Variants in NHERF2 observed in about 807,000 individuals in gnomAD.
NHERF2 encodes the protein NHERF family PDZ scaffold protein 2, also known as Na(+)/H(+) exchange regulatory cofactor NHE-RF2.
At chr16:2,028,058 C>T in the NHERF2 span, among the ~76,000 whole-genome samples, 1 of 152,228 alleles carries the variant, frequency 6.6e-6, no homozygotes, top group Non-Finnish European at 1.5e-5. Flanking sequence ...CTGTCTCCCA[C>T]AGGCCAGGGA....
At chr16:2,037,405 G>A in the NHERF2 span, 1 of 867,486 alleles carries the variant, frequency 1.2e-6, no homozygotes, top group Non-Finnish European at 1.9e-6. Context: ...CGCATCTGGA[G>A]TCCACCAGAG....
chr16:2,027,457 C>T, the NHERF2 span, among the ~76,000 whole-genome samples: 2 of 152,228 alleles, frequency 1.3e-5, no homozygotes, highest in Non-Finnish European at 2.9e-5. Flanking sequence ...GCTGGCCTCG[C>T]CCTTTGGTCG....
chr16:2,026,970 C>T, the NHERF2 span: 2 of 944,956 alleles, frequency 2.1e-6, no homozygotes, highest in African/African-American at 1.8e-5. Flanking sequence ...CTCCCCCGCG[C>T]CCCTGCCCGC....
At chr16:2,028,218 G>A in the NHERF2 span, among the ~76,000 whole-genome samples, 9 of 152,250 alleles carry the variant, frequency 5.9e-5, no homozygotes, top group African/African-American at 1.7e-4. Context: ...TGGACCTGGA[G>A]CTGGTCTCCT....
the NHERF2 span, chr16:2,038,004 GGGACCCTGGGACCCCTCCCGCAC>G: frequency 6.2e-7 from 1 of 1,612,556 alleles, no homozygotes; most frequent in Non-Finnish European, 8.5e-7. Context: ...TGCCTGTCTC[GGGACCCTGGGACCCCTCCCGCAC>G]GGACCTTGGG....
At chr16:2,033,588 T>TG in the NHERF2 span, among the ~76,000 whole-genome samples, 1 of 152,112 alleles carries the variant, frequency 6.6e-6, no homozygotes, top group Non-Finnish European at 1.5e-5. Context: ...CGTCACCATC[T>TG]GGGGGGGTGC....
the NHERF2 span, chr16:2,027,226 C>T: frequency 7.7e-7 from 1 of 1,298,916 alleles, no homozygotes; most frequent in South Asian, 2.1e-5. Context: ...CAGGTGGGGG[C>T]CAGCGCTCGC....
the NHERF2 span, chr16:2,038,330 G>A: frequency 2.0e-6 from 1 of 499,548 alleles, no homozygotes; most frequent in South Asian, 1.7e-5. Flanking sequence ...CTGACTGAAA[G>A]GAATTTGTGT....
chr16:2,036,433 A>G, the NHERF2 span: 1 of 1,606,504 alleles, frequency 6.2e-7, no homozygotes, highest in African/African-American at 1.3e-5. Flanking sequence ...CCCGGCCAGT[A>G]CATCCGCTCT....
chr16:2,036,607 G>C, the NHERF2 span: 76 of 1,526,420 alleles, frequency 5.0e-5, no homozygotes, highest in Non-Finnish European at 6.4e-5. Flanking sequence ...ACCTGAGCTG[G>C]TGCGCCTCCT....
the NHERF2 span, chr16:2,035,582 C>A: frequency 3.0e-6 from 3 of 987,198 alleles, no homozygotes; most frequent in Non-Finnish European, 3.6e-6. Context: ...CACGGGCAGC[C>A]GCTGGCCACC....
At chr16:2,036,247 T>A in the NHERF2 span, 6 of 1,428,548 alleles carry the variant, frequency 4.2e-6, no homozygotes, top group Non-Finnish European at 5.7e-6. Flanking sequence ...GTTTGGGCAG[T>A]GGCGGCACCA....
At chr16:2,038,239 G>C in the NHERF2 span, 82 of 560,140 alleles carry the variant, frequency 1.5e-4, no homozygotes, top group African/African-American at 6.4e-4. Context: ...GAGAGAGAGA[G>C]ACACAGAGAG....
the NHERF2 span, chr16:2,033,078 TG>T: frequency 1.0e-6 from 1 of 985,360 alleles, no homozygotes; most frequent in Non-Finnish European, 1.2e-6. Flanking sequence ...CCCTGGGTCC[TG>T]GGGCAGGGCA....
At chr16:2,033,286 G>T in the NHERF2 span, 2 of 1,531,832 alleles carry the variant, frequency 1.3e-6, no homozygotes, top group South Asian at 1.2e-5. Flanking sequence ...TGGCAGCCTG[G>T]GTCGGCCAGA....
chr16:2,037,397 C>G, the NHERF2 span: 1 of 817,028 alleles, frequency 1.2e-6, no homozygotes, highest in Non-Finnish European at 2.0e-6. Context: ...TGCCCCGCCG[C>G]ATCTGGAGTC....
the NHERF2 span, chr16:2,036,883 T>G: frequency 1.2e-6 from 2 of 1,606,448 alleles, no homozygotes; most frequent in Non-Finnish European, 1.7e-6. Context: ...ACGTGGAAGG[T>G]GGGCCACGGC....
chr16:2,033,364 G>A, the NHERF2 span: 1,126 of 1,533,194 alleles, frequency 7.3e-4, 3 homozygotes, highest in African/African-American at 9.9e-3. Flanking sequence ...GGCACGCTCC[G>A]GGAGTGCCAC....
chr16:2,037,982 T>C, the NHERF2 span: 1 of 1,613,492 alleles, frequency 6.2e-7, no homozygotes, highest in Non-Finnish European at 8.5e-7. Context: ...CAGCAACTTC[T>C]GAGCCCCTTC....
Sources: gnomAD v4.1 joint callset for allele counts (sites outside exome capture counted in the v4.1 genomes callset) on GRCh38, gnomAD v4.1.1 for gene constraint, MANE v1.5 for transcripts, NCBI Gene and HGNC (gene_info 2026-07-23, HGNC 2026-07-21) for gene names.